XRRA1: variants seen among roughly 807,000 people sequenced by gnomAD.
The protein encoded by XRRA1 is X-ray radiation resistance-associated protein 1.
XRRA1 carries 69 observed loss-of-function variants against 80.2 expected under a neutral mutation model. That is an observed-to-expected ratio of 0.86 (90% confidence interval 0.71 to 1.05). The LOEUF is 1.05. Among genes scored for constraint, XRRA1 ranks in the 50% least tolerant of loss-of-function variants. XRRA1 has a pLI of 0.00. For missense variants in XRRA1, 967 were observed against 976.4 expected (o/e 0.99, Z 0.13); for synonymous variants, 348 against 389.9 (o/e 0.89, Z 1.27).
Position 74,843,862 on chromosome 11 carries a change from G to T in XRRA1, c.2141C>A (p.Ala714Asp), listed in dbSNP as rs374582190. The part of the protein sequence containing the change: ...RLRDPRNITE[A>D]PLGAVLHQWT... The stretch of plus-strand genomic sequence containing the variant: ...CTGTGGCAGAGCCGTACCTAGTGGA[G>T]CCTCTGTAATGTTCCGGGGATCCCG... The change falls in exon 18 of 19, where the codon GCT (alanine) becomes GAT (aspartate). Residue 714 changes from alanine (A) to aspartate (D), a missense_variant. Physicochemically the swap from Ala to Asp is moderately radical, Grantham distance 126. Transcript: ENST00000684022. 2 of 1,609,416 alleles carry T rather than the reference G, an allele frequency of 1.2e-6. No homozygotes were observed. Among genetic ancestry groups the T allele is most frequent in the Non-Finnish European group, 1.7e-6 (2 of 1,177,806 alleles).
At chr11:74,943,072 AT>A (rs1946663529) in intron 2 of XRRA1, among the ~76,000 whole-genome samples, 1 of 152,184 alleles carries the variant, frequency 6.6e-6, no homozygotes, top group Non-Finnish European at 1.5e-5. Flanking sequence ...CAAGTGTTCC[AT>A]TTCCCTAACA....
intron 10 of XRRA1, among the ~76,000 whole-genome samples, chr11:74,872,956 T>G (rs1382096533): frequency 6.9e-6 from 1 of 145,910 alleles, no homozygotes; most frequent in African/African-American, 2.8e-5. Context: ...GACCTATTAT[T>G]TACTCATGCC....
chr11:74,875,431 T>C (rs1002713884), intron 10 of XRRA1, among the ~76,000 whole-genome samples: 2 of 152,142 alleles, frequency 1.3e-5, no homozygotes, highest in Admixed American at 6.5e-5. Context: ...CAAACTCCAC[T>C]TGCCAGCCTC....
chr11:74,887,246 T>G (rs1016476909), intron 10 of XRRA1, among the ~76,000 whole-genome samples: 1 of 152,232 alleles, frequency 6.6e-6, no homozygotes, highest in African/African-American at 2.4e-5. Context: ...AAAGGGCTTT[T>G]GCCTAGCAAA....
chr11:74,933,863 G>A lies in XRRA1; in HGVS notation c.289C>T (p.His97Tyr), dbSNP rs763881471. 1.2e-6 allele frequency: 2 copies of A among 1,603,940 alleles called. No individual in the cohort carries two copies. Among genetic ancestry groups the A allele is most frequent in the Admixed American group, 3.4e-5 (2 of 58,732 alleles). ...AGATCTGATGGCTTCCTCACACAGT[G>A]GTGCTTCAGCTGGAACATAATACAA... ...ILDQAFLLKH[H>Y]CVRKPSDLCT... Residue 97 changes from histidine to tyrosine, a missense_variant, in exon 5 of 19, where the codon CAC (histidine) becomes TAC (tyrosine). His to Tyr is a moderately conservative substitution (Grantham distance 83, BLOSUM62 2). Coordinates refer to ENST00000684022, the MANE Select transcript of XRRA1 (RefSeq NM_001378157.1).
At chr11:74,904,467 G>GA (rs200123565) in intron 10 of XRRA1, among the ~76,000 whole-genome samples, 23 of 126,060 alleles carry the variant, frequency 1.8e-4, no homozygotes, top group East Asian at 2.3e-4. Flanking sequence ...TCTCTAAAAA[G>GA]AAAAAAAAAA....
chr11:74,876,971 A>G (rs2046179247), intron 10 of XRRA1: 1 of 152,220 alleles, frequency 6.6e-6, no homozygotes, highest in South Asian at 2.1e-4. Flanking sequence ...CCAAAGGGAA[A>G]TTCTTGGTGA....
intron 12 of XRRA1, among the ~76,000 whole-genome samples, chr11:74,852,811 G>T (rs1323687899): frequency 6.6e-6 from 1 of 152,190 alleles, no homozygotes; most frequent in African/African-American, 2.4e-5. Context: ...TGCAATGGAA[G>T]AGTATCAGGG....
intron 10 of XRRA1, among the ~76,000 whole-genome samples, chr11:74,896,403 C>G (rs960336378): frequency 1.3e-4 from 20 of 152,312 alleles, no homozygotes; most frequent in African/African-American, 4.8e-4. Flanking sequence ...CCCCCATGAA[C>G]TGGTGGTGGT....
chr11:74,928,276 AC>A (rs1363767369), intron 6 of XRRA1, among the ~76,000 whole-genome samples: 2 of 152,318 alleles, frequency 1.3e-5, no homozygotes, highest in Non-Finnish European at 2.9e-5. Context: ...GGTAAAAATC[AC>A]CCTAGGTTGG....
At chr11:74,869,041 A>G (rs748401369) in intron 10 of XRRA1, among the ~76,000 whole-genome samples, 6 of 152,162 alleles carry the variant, frequency 3.9e-5, no homozygotes, top group Non-Finnish European at 7.3e-5. Context: ...ACAACAGAAT[A>G]TACATTCTTC....
At chr11:74,889,925 G>T (rs1271182011) in intron 10 of XRRA1, among the ~76,000 whole-genome samples, 6 of 152,102 alleles carry the variant, frequency 3.9e-5, no homozygotes, top group Non-Finnish European at 2.9e-5. Context: ...CCTACAAAGA[G>T]ACTTAGACTC....
chr11:74,926,565 CTGTTGTCCTTTACTCTCCACATA>C (rs943731042), intron 7 of XRRA1, among the ~76,000 whole-genome samples: 9 of 152,214 alleles, frequency 5.9e-5, no homozygotes, highest in Non-Finnish European at 1.3e-4. Context: ...GGCTCCACCT[CTGTTGTCCTTTACTCTCCACATA>C]TGTTGTCCTT....
chr11:74,878,268 G>A (rs1176357913), intron 10 of XRRA1, among the ~76,000 whole-genome samples: 3 of 151,776 alleles, frequency 2.0e-5, no homozygotes, highest in African/African-American at 7.3e-5. Context: ...CTTCTTTTGA[G>A]AAGTGTCTGT....
At chr11:74,915,280 T>C (rs972497171) in intron 8 of XRRA1, among the ~76,000 whole-genome samples, 2 of 152,194 alleles carry the variant, frequency 1.3e-5, no homozygotes, top group African/African-American at 2.4e-5. Context: ...GCTTAAAGTA[T>C]AGAGAAAAAT....
intron 10 of XRRA1, among the ~76,000 whole-genome samples, chr11:74,878,343 A>G (rs950402459): frequency 6.6e-6 from 1 of 151,614 alleles, no homozygotes; most frequent in African/African-American, 2.4e-5. Flanking sequence ...GTTTGAGTTC[A>G]TTGTAGATTC....
At chr11:74,908,004 C>G (rs535237248) in intron 8 of XRRA1, among the ~76,000 whole-genome samples, 1 of 152,126 alleles carries the variant, frequency 6.6e-6, no homozygotes, top group African/African-American at 2.4e-5. Context: ...CTAGGTAACT[C>G]TCTTCCACAC....
chr11:74,919,102 A>G (rs1939810699), intron 8 of XRRA1: 1 of 152,370 alleles, frequency 6.6e-6, no homozygotes, highest in Admixed American at 6.5e-5. Flanking sequence ...TCTAACAGCC[A>G]TGTAACCAAT....
Position 74,843,339 on chromosome 11 carries a change from G to C in XRRA1, c.2264C>G (p.Ser755Cys), listed in dbSNP as rs754130946. Residue 755 changes from serine to cysteine, a missense_variant, in exon 19 of 19, where the codon TCT becomes TGT. Coordinates refer to ENST00000684022, the MANE Select transcript of XRRA1 (RefSeq NM_001378157.1). ...GGTAGTCCCGAACACTGTGCGCAGA[G>C]AGCCACTCACCAGCTGCCGGTAACG... ...QARYRQLVSGSLRTVFGTTPL... is the reference protein window; with the variant it reads ...QARYRQLVSGCLRTVFGTTPL... 1.6e-5 allele frequency: 25 copies of C among 1,609,700 alleles called. No homozygotes were observed. The highest frequency in any genetic ancestry group is 1.1e-4 in the African/African-American group (8 of 74,860).
Sources: allele counts gnomAD v4.1 joint callset (sites outside exome capture counted in the v4.1 genomes callset), GRCh38; gene constraint gnomAD v4.1.1; transcripts MANE v1.5; gene names NCBI Gene and HGNC (gene_info 2026-07-23, HGNC 2026-07-21).